ERBB4: variants seen among roughly 807,000 people sequenced by gnomAD.
ERBB4 encodes the protein receptor tyrosine-protein kinase erbB-4.
A neutral mutation model predicts 158.0 loss-of-function variants in ERBB4; 42 were observed. The observed-to-expected ratio is 0.27, with a 90% CI of 0.21 to 0.34. The LOEUF is 0.34. ERBB4 is among the 10% of genes least tolerant of loss of function. ERBB4 has a pLI of 1.00. For synonymous variants in ERBB4, 583 were observed against 558.7 expected (o/e 1.04, Z -0.61); for missense variants, 1,333 against 1,624.1 (o/e 0.82, Z 3.08).
chr2:212,447,167 T>C (rs1424276404), intron 1 of ERBB4, among the ~76,000 whole-genome samples: 1 of 151,946 alleles, frequency 6.6e-6, no homozygotes, highest in East Asian at 1.9e-4. Context: ...CGGCTAATTT[T>C]TTGTATTTTT....
At chr2:212,306,315 A>T (rs2086808043) in intron 1 of ERBB4, among the ~76,000 whole-genome samples, 1 of 151,454 alleles carries the variant, frequency 6.6e-6, no homozygotes, top group Admixed American at 6.6e-5. Context: ...GAAGAAAACA[A>T]ACAAACTCTA....
chr2:212,136,577 A>G (rs1419874337), intron 1 of ERBB4, among the ~76,000 whole-genome samples: 1 of 152,210 alleles, frequency 6.6e-6, no homozygotes, highest in Non-Finnish European at 1.5e-5. Context: ...TGAGGGGCAC[A>G]TGACCTGGAC....
At chr2:211,774,441 A>C (rs2106281317) in intron 4 of ERBB4, among the ~76,000 whole-genome samples, 1 of 152,020 alleles carries the variant, frequency 6.6e-6, no homozygotes, top group Middle Eastern at 3.4e-3. Flanking sequence ...TATTTGCATT[A>C]ATGAATTAAA....
intron 3 of ERBB4, 126 bp downstream of exon 3, chr2:211,947,304 T>C (rs2080727663): frequency 6.3e-6 from 5 of 796,496 alleles, no homozygotes; most frequent in Non-Finnish European, 1.0e-5. Flanking sequence ...ATAAAACAAA[T>C]AAATCACTGA....
intron 1 of ERBB4, among the ~76,000 whole-genome samples, chr2:212,160,323 C>A: frequency 6.6e-6 from 1 of 151,868 alleles, no homozygotes; most frequent in Non-Finnish European, 1.5e-5. Flanking sequence ...TGGCCAGTGC[C>A]TATTTAAAAA....
At position 212,410,159 on chromosome 2, in the gene ERBB4, C is replaced by G. The variant is rs531459590; in HGVS notation, c.82+128290G>C. Among the ~76,000 whole-genome samples, 38 of 152,036 alleles carry G rather than the reference C, an allele frequency of 2.5e-4. 1 individual carries two copies. Among genetic ancestry groups the G allele is most frequent in the Admixed American group, 2.4e-3 (37 of 15,260 alleles). Reference sequence around the variant, plus strand: ...GCTATACAATGTAATCACCAAAAGACTATATTGGGATGACTTTTTATTAAG... The same window carrying G: ...GCTATACAATGTAATCACCAAAAGAGTATATTGGGATGACTTTTTATTAAG... On this transcript the variant is annotated intron_variant, in intron 1 of 27. Transcript: ENST00000342788.
intron 2 of ERBB4, among the ~76,000 whole-genome samples, chr2:212,079,873 A>C (rs2078384508): frequency 6.6e-6 from 1 of 152,124 alleles, no homozygotes; most frequent in Non-Finnish European, 1.5e-5. Context: ...ATAGATATAA[A>C]TGGATGAAGC....
chr2:212,237,581 T>A (rs922797467), intron 1 of ERBB4, among the ~76,000 whole-genome samples: 3 of 152,166 alleles, frequency 2.0e-5, no homozygotes, highest in Admixed American at 2.0e-4. Flanking sequence ...GGAGGCAGTC[T>A]GTCGCTTATC....
intron 1 of ERBB4, among the ~76,000 whole-genome samples, chr2:212,311,352 G>T (rs1243765567): frequency 6.6e-6 from 1 of 150,580 alleles, no homozygotes; most frequent in Non-Finnish European, 1.5e-5. Context: ...TTACACAATA[G>T]AACAAAAAAG....
chr2:212,249,290 T>C (rs2084431073), intron 1 of ERBB4, among the ~76,000 whole-genome samples: 1 of 151,946 alleles, frequency 6.6e-6, no homozygotes, highest in South Asian at 2.1e-4. Flanking sequence ...TATTTATTCA[T>C]ACATATATAT....
intron 20 of ERBB4, among the ~76,000 whole-genome samples, chr2:211,480,520 T>C (rs975142019): frequency 3.3e-5 from 5 of 152,122 alleles, no homozygotes; most frequent in African/African-American, 7.2e-5. Flanking sequence ...TCTTTCGTGA[T>C]TGTAAGTTTC....
chr2:211,553,086 G>A (rs1380679266), intron 20 of ERBB4, among the ~76,000 whole-genome samples: 1 of 151,190 alleles, frequency 6.6e-6, no homozygotes, highest in African/African-American at 2.4e-5. Flanking sequence ...CTCCTACCTC[G>A]ACCTCCTGAG....
rs1196647437 is a variant in ERBB4, at chr2:211,636,181, A to AT, written c.1947-5588dup. On this transcript the variant is annotated intron_variant, in intron 16 of 27. Transcript: ENST00000342788. The stretch of plus-strand genomic sequence containing the variant: ...GGCTAGTCAGATAAATTTAACAGGG[A>AT]TTTTTTTTTGTAAAATAAACTTTGC... Among the ~76,000 whole-genome samples the AT allele has an allele frequency of 9.4e-4, 142 of 151,498 alleles. 1 individual carries two copies. Among genetic ancestry groups the AT allele is most frequent in the East Asian group, 3.9e-4 (2 of 5,172 alleles).
intron 3 of ERBB4, among the ~76,000 whole-genome samples, chr2:211,796,922 C>T (rs2076395053): frequency 6.6e-6 from 1 of 151,706 alleles, no homozygotes; most frequent in African/African-American, 2.4e-5. Flanking sequence ...TTGAAAATGA[C>T]ACTTTAAAAT....
At chr2:212,063,238 T>C (rs1404297450) in intron 2 of ERBB4, among the ~76,000 whole-genome samples, 2 of 152,068 alleles carry the variant, frequency 1.3e-5, no homozygotes, top group African/African-American at 4.8e-5. Context: ...TCCACCAGAA[T>C]AGAAACAGAT....
In ERBB4 at chr2:211,905,738, G is replaced by GTATATATATATA. The variant is rs1469524984; in HGVS notation, c.421+41691_421+41692insTATATATATATA. Reference sequence around the variant, plus strand: ...TATATGTGTGTGTATGTGTGTGCATGTGTGTGTATATATATATATATATAT... The same window carrying GTATATATATATA: ...TATATGTGTGTGTATGTGTGTGCATGTATATATATATATGTGTGTATATATATATATATATAT... On this transcript the variant is annotated intron_variant, in intron 3 of 27. Transcript: ENST00000342788. Among the ~76,000 whole-genome samples the GTATATATATATA allele has an allele frequency of 3.4e-3, 372 of 108,156 alleles. 5 individuals carry two copies. Among genetic ancestry groups the GTATATATATATA allele is most frequent in the African/African-American group, 9.8e-3 (258 of 26,242 alleles). 71.0% of individuals were successfully genotyped at this position (108,156 alleles called of 152,430 possible).
intron 5 of ERBB4, among the ~76,000 whole-genome samples, chr2:211,747,829 A>C (rs1575089400): frequency 2.0e-5 from 3 of 151,904 alleles, no homozygotes; most frequent in African/African-American, 4.8e-5. Flanking sequence ...ATAATATATA[A>C]TATGTATACA....
chr2:211,394,993 A>G (rs1473675254), intron 25 of ERBB4, among the ~76,000 whole-genome samples: 1 of 152,100 alleles, frequency 6.6e-6, no homozygotes, highest in Non-Finnish European at 1.5e-5. Flanking sequence ...GTAATAGAAA[A>G]GATCACTTCC....
At chr2:212,018,233 A>G (rs1383725640) in intron 2 of ERBB4, among the ~76,000 whole-genome samples, 1 of 152,198 alleles carries the variant, frequency 6.6e-6, no homozygotes, top group East Asian at 1.9e-4. Context: ...AACAAGCCAC[A>G]GCAGGACTAG....
Sources: gnomAD v4.1 joint callset for allele counts (sites outside exome capture counted in the v4.1 genomes callset) on GRCh38, gnomAD v4.1.1 for gene constraint, MANE v1.5 for transcripts, NCBI Gene and HGNC (gene_info 2026-07-23, HGNC 2026-07-21) for gene names.